Variants in ADAMTSL1 observed in about 807,000 individuals in gnomAD.
ADAMTSL1 encodes the protein ADAMTS-like protein 1.
In ADAMTSL1, 126 loss-of-function variants were observed where a neutral mutation model predicts 201.8. The observed-to-expected ratio is 0.62, with a 90% CI of 0.54 to 0.72. The LOEUF (loss-of-function observed/expected upper bound fraction) is 0.72. Ranked by LOEUF, ADAMTSL1 falls within the 30% of genes least tolerant of loss-of-function variation. The probability of loss-of-function intolerance (pLI) is 0.00; values close to 1 mark genes in which losing one functional copy is unlikely to be tolerated. For synonymous variants in ADAMTSL1, 1,121 were observed against 903.4 expected (o/e 1.24, Z -4.32); for missense variants, 2,679 against 2,277.8 (o/e 1.18, Z -3.59).
rs189188582 is a variant in ADAMTSL1, at chr9:18,094,604, A to T, written c.88-69258A>T. ...CAAATGCCACCTAAATCTAAGTATA[A>T]TCAGTGGTTTTGTCTTCTAAATACT... On this transcript the variant is annotated intron_variant, in intron 1 of 29. Coordinates refer to the ADAMTSL1 transcript ENST00000680146. Among the ~76,000 whole-genome samples the T allele has an allele frequency of 2.6e-3, 390 of 151,908 alleles. 2 individuals are homozygous for T. Among genetic ancestry groups the T allele is most frequent in the Middle Eastern group, 0.017 (5 of 292 alleles).
intron 11 of ADAMTSL1, 164 bp downstream of exon 11, chr9:18,680,680 C>T (rs1587878988): frequency 5.9e-6 from 4 of 678,960 alleles, no homozygotes; most frequent in Admixed American, 2.9e-5. Flanking sequence ...TCCAGCATGA[C>T]CAAAAGTAAA....
intron 24 of ADAMTSL1, among the ~76,000 whole-genome samples, chr9:18,888,842 T>C (rs1829062596): frequency 6.6e-6 from 1 of 152,212 alleles, no homozygotes; most frequent in African/African-American, 2.4e-5. Context: ...TTCTTAAATA[T>C]CCTCCTTCAC....
intron 1 of ADAMTSL1, among the ~76,000 whole-genome samples, chr9:17,913,692 A>G (rs1825977071): frequency 6.6e-6 from 1 of 152,222 alleles, no homozygotes; most frequent in Non-Finnish European, 1.5e-5. Flanking sequence ...TGAAGGAAAT[A>G]GACACACAAA....
chr9:18,880,326 T>C (rs921533002), intron 23 of ADAMTSL1, among the ~76,000 whole-genome samples: 2 of 152,190 alleles, frequency 1.3e-5, no homozygotes. Context: ...CCCAGATCCA[T>C]TTTAGAAATT....
At chr9:18,410,395 T>C (rs901268280) in intron 2 of ADAMTSL1, among the ~76,000 whole-genome samples, 2 of 152,046 alleles carry the variant, frequency 1.3e-5, no homozygotes, top group East Asian at 3.9e-4. Context: ...CCCCAACAGG[T>C]GCCCAGTGTG....
intron 2 of ADAMTSL1, among the ~76,000 whole-genome samples, chr9:18,314,057 A>T (rs2132810393): frequency 6.6e-6 from 1 of 152,306 alleles, no homozygotes; most frequent in South Asian, 2.1e-4. Context: ...ACAACGTAAA[A>T]ACGCCAACAG....
In ADAMTSL1 at chr9:18,519,474, T is replaced by C. The variant is rs1353622614; in HGVS notation, c.192-13773T>C. On this transcript the variant is annotated intron_variant, in intron 2 of 28. Coordinates refer to ENST00000380548, the MANE Select transcript of ADAMTSL1 (RefSeq NM_001040272.6). ...ATACTTCCTTTGTAAGCTATTGCCC[T>C]CTCCTCAATCTCTGCCTTTTCAAAT... 2.0e-5 allele frequency among the ~76,000 whole-genome samples: 3 copies of C among 152,228 alleles called. No individual in the cohort carries two copies. The East Asian group carries it at 5.8e-4, about 29-fold the overall frequency.
At chr9:18,229,284 C>G (rs1830552290) in intron 2 of ADAMTSL1, among the ~76,000 whole-genome samples, 1 of 151,996 alleles carries the variant, frequency 6.6e-6, no homozygotes, top group Non-Finnish European at 1.5e-5. Flanking sequence ...GATGGAGAAT[C>G]CAACTGTGTG....
chr9:18,636,214 C>G (rs1012564479), intron 6 of ADAMTSL1, among the ~76,000 whole-genome samples, 197 bp downstream of exon 6: 6 of 152,186 alleles, frequency 3.9e-5, no homozygotes, highest in East Asian at 3.8e-4. Context: ...TCTTTAACCA[C>G]AGTCATCCTG....
intron 23 of ADAMTSL1, among the ~76,000 whole-genome samples, chr9:18,835,799 C>T (rs1230962787): frequency 6.6e-6 from 1 of 152,038 alleles, no homozygotes; most frequent in Non-Finnish European, 1.5e-5. Flanking sequence ...AGGATAATGG[C>T]CTCCAGCTGC....
chr9:18,731,966 C>T (rs998990817), intron 15 of ADAMTSL1, among the ~76,000 whole-genome samples: 1 of 152,124 alleles, frequency 6.6e-6, no homozygotes, highest in Non-Finnish European at 1.5e-5. Context: ...ATATGATATT[C>T]GGGCAGGACA....
At chr9:18,131,158 G>T (rs76283887) in intron 1 of ADAMTSL1, among the ~76,000 whole-genome samples, 2,180 of 152,154 alleles carry the variant, frequency 0.014, 26 homozygotes, top group Non-Finnish European at 0.019. Flanking sequence ...TAAAAACTAA[G>T]TCTTGGTGTC....
At chr9:18,090,947 T>C (rs983800001) in intron 1 of ADAMTSL1, among the ~76,000 whole-genome samples, 4 of 151,490 alleles carry the variant, frequency 2.6e-5, no homozygotes, top group Non-Finnish European at 5.9e-5. Context: ...TGGAACACTG[T>C]TCATGTAGCT....
At chr9:18,187,890 T>C (rs1828807465) in intron 2 of ADAMTSL1, among the ~76,000 whole-genome samples, 1 of 152,186 alleles carries the variant, frequency 6.6e-6, no homozygotes, top group Non-Finnish European at 1.5e-5. Flanking sequence ...GCAATGTATA[T>C]ATCCCGTGTT....
chr9:18,852,222 C>A (rs984200451), intron 23 of ADAMTSL1, among the ~76,000 whole-genome samples: 1 of 152,114 alleles, frequency 6.6e-6, no homozygotes, highest in Non-Finnish European at 1.5e-5. Flanking sequence ...AATTGCATGA[C>A]CTTGGGCAAA....
chr9:18,812,831 G>A lies in ADAMTSL1; in HGVS notation c.3806-4278G>A, dbSNP rs182416366. ...TTGAAAATGAGTTGGCTGTAAGTAC[G>A]TGGATTCATTTCTGAGTTCTCTATT... On this transcript the variant is annotated intron_variant, in intron 20 of 28. Transcript: ENST00000380548. Among the ~76,000 whole-genome samples, 16 of 152,206 alleles carry A rather than the reference G, an allele frequency of 1.1e-4. No homozygotes were observed. In the East Asian group the frequency reaches 1.2e-3, roughly 11 times the overall value.
chr9:18,387,530 G>A (rs186228529), intron 2 of ADAMTSL1, among the ~76,000 whole-genome samples: 1 of 152,070 alleles, frequency 6.6e-6, no homozygotes, highest in East Asian at 1.9e-4. Flanking sequence ...TAGTATTAAT[G>A]TTACATTTTT....
intron 1 of ADAMTSL1, among the ~76,000 whole-genome samples, chr9:18,082,251 G>A (rs1357075634): frequency 1.3e-5 from 2 of 152,142 alleles, no homozygotes; most frequent in African/African-American, 2.4e-5. Flanking sequence ...CCCATATTAA[G>A]TTTTGAAGTA....
intron 2 of ADAMTSL1, among the ~76,000 whole-genome samples, chr9:18,312,446 C>T (rs1044743028): frequency 6.6e-6 from 1 of 152,184 alleles, no homozygotes; most frequent in African/African-American, 2.4e-5. Context: ...GCAGGAGTTA[C>T]AGGAAATGGC....
Sources: allele counts gnomAD v4.1 joint callset (sites outside exome capture counted in the v4.1 genomes callset), GRCh38; gene constraint gnomAD v4.1.1; transcripts MANE v1.5; gene names NCBI Gene and HGNC (gene_info 2026-07-23, HGNC 2026-07-21).